NXPH1: variants seen among roughly 807,000 people sequenced by gnomAD.
The protein encoded by NXPH1 is neurexophilin 1.
NXPH1 carries 5 observed loss-of-function variants against 23.7 expected under a neutral mutation model. The ratio of observed to expected loss-of-function variants is 0.21; its 90% CI spans 0.11 to 0.44. The LOEUF is 0.44. Ranked by LOEUF, NXPH1 falls within the 20% of genes least tolerant of loss-of-function variation. The pLI, the probability that NXPH1 is intolerant of heterozygous loss-of-function variation, is 0.99. For synonymous variants in NXPH1, 144 were observed against 122.2 expected (o/e 1.18, Z -1.18); for missense variants, 324 against 321.6 (o/e 1.01, Z -0.06).
chr7:8,692,677 C>G (rs1821240514), intron 2 of NXPH1, among the ~76,000 whole-genome samples: 1 of 152,148 alleles, frequency 6.6e-6, no homozygotes, highest in Admixed American at 6.5e-5. Context: ...TCAACCTGTC[C>G]ATATTGACTG....
intron 2 of NXPH1, among the ~76,000 whole-genome samples, chr7:8,704,738 T>C (rs1779677055): frequency 6.6e-6 from 1 of 150,454 alleles, no homozygotes; most frequent in South Asian, 2.1e-4. Context: ...TTCTAAAATA[T>C]CACTTAATCT....
chr7:8,678,945 TTTTTTTTTTTTTTTTTTTG>T (rs1239778221), intron 2 of NXPH1, among the ~76,000 whole-genome samples: 2 of 64,836 alleles, frequency 3.1e-5, no homozygotes, highest in Non-Finnish European at 8.1e-5. Context: ...TTTTTTTTTT[TTTTTTTTTTTTTTTTTTTG>T]TTGAGACGGA....
chr7:8,494,513 TATA>T (rs1435204818), intron 2 of NXPH1, among the ~76,000 whole-genome samples: 1 of 152,028 alleles, frequency 6.6e-6, no homozygotes, highest in Admixed American at 6.6e-5. Context: ...TATTTAATGA[TATA>T]ATGTGTGTAG....
At chr7:8,709,731 T>A (rs1779758103) in intron 2 of NXPH1, among the ~76,000 whole-genome samples, 1 of 152,238 alleles carries the variant, frequency 6.6e-6, no homozygotes, top group Non-Finnish European at 1.5e-5. Flanking sequence ...GTCTGTTAAG[T>A]CTTTATAGAT....
intron 2 of NXPH1, among the ~76,000 whole-genome samples, chr7:8,514,995 C>T (rs1368179398): frequency 6.6e-6 from 1 of 152,084 alleles, no homozygotes; most frequent in Non-Finnish European, 1.5e-5. Context: ...TTTCTCCCTT[C>T]CCAAAGAACA....
At chr7:8,459,379 T>C (rs1816653648) in intron 2 of NXPH1, among the ~76,000 whole-genome samples, 1 of 152,148 alleles carries the variant, frequency 6.6e-6, no homozygotes, top group African/African-American at 2.4e-5. Flanking sequence ...TTAATTTAAC[T>C]CTATTTAGGC....
intron 2 of NXPH1, among the ~76,000 whole-genome samples, chr7:8,611,894 T>A (rs1331263358): frequency 6.6e-6 from 1 of 152,070 alleles, no homozygotes; most frequent in Admixed American, 6.6e-5. Flanking sequence ...TTCTTAGCAG[T>A]GAAACTTTAG....
intron 2 of NXPH1, among the ~76,000 whole-genome samples, chr7:8,518,217 A>G (rs927233398): frequency 2.6e-5 from 4 of 152,138 alleles, no homozygotes; most frequent in Non-Finnish European, 2.9e-5. Flanking sequence ...ATTTTCTTCC[A>G]TATTAAGAAC....
chr7:8,468,813 C>T (rs536131960), intron 2 of NXPH1, among the ~76,000 whole-genome samples: 45 of 151,998 alleles, frequency 3.0e-4, no homozygotes, highest in Middle Eastern at 3.4e-3. Context: ...TCTAGTTGTG[C>T]TAGTGTAAAA....
At chr7:8,663,323 G>A (rs1393132345) in intron 2 of NXPH1, among the ~76,000 whole-genome samples, 1 of 152,036 alleles carries the variant, frequency 6.6e-6, no homozygotes, top group Non-Finnish European at 1.5e-5. Context: ...CTTTGGAAGA[G>A]GATGCACTTG....
chr7:8,648,672 T>G (rs994414159), intron 2 of NXPH1, among the ~76,000 whole-genome samples: 6 of 152,222 alleles, frequency 3.9e-5, no homozygotes, highest in African/African-American at 1.4e-4. Flanking sequence ...TCATGTGTGC[T>G]TGAGAATAAT....
At chr7:8,650,672 T>C (rs917156067) in intron 2 of NXPH1, among the ~76,000 whole-genome samples, 8 of 152,252 alleles carry the variant, frequency 5.3e-5, no homozygotes, top group Non-Finnish European at 1.2e-4. Flanking sequence ...TCAGTCTCTT[T>C]AGTTGCCACA....
At chr7:8,525,773 C>G (rs1005775397) in intron 2 of NXPH1, among the ~76,000 whole-genome samples, 3 of 152,234 alleles carry the variant, frequency 2.0e-5, no homozygotes, top group African/African-American at 7.2e-5. Context: ...GCACAGAAGT[C>G]AAGAACTGAG....
At chr7:8,480,439 G>T (rs1365471373) in intron 2 of NXPH1, among the ~76,000 whole-genome samples, 1 of 152,106 alleles carries the variant, frequency 6.6e-6, no homozygotes, top group Non-Finnish European at 1.5e-5. Context: ...ATGCTCCAGA[G>T]AATAGCCATG....
intron 2 of NXPH1, among the ~76,000 whole-genome samples, chr7:8,722,421 C>A (rs1360894577): frequency 6.6e-6 from 1 of 152,148 alleles, no homozygotes; most frequent in Non-Finnish European, 1.5e-5. Flanking sequence ...ATGGTTCTCT[C>A]ATTTCAATTC....
At chr7:8,750,955 G>T (rs1005269056) in intron 2 of NXPH1, 53 bp from the exon 3 acceptor site, 3 of 1,527,978 alleles carry the variant, frequency 2.0e-6, no homozygotes, top group Non-Finnish European at 1.8e-6. Context: ...TATGCATTGG[G>T]TGTTATTCTC....
intron 2 of NXPH1, among the ~76,000 whole-genome samples, chr7:8,663,126 G>T (rs909246721): frequency 6.6e-6 from 1 of 152,000 alleles, no homozygotes; most frequent in Non-Finnish European, 1.5e-5. Context: ...AGAAAGCTCT[G>T]GGCTTAAAAT....
intron 2 of NXPH1, among the ~76,000 whole-genome samples, chr7:8,578,093 A>G (rs1310930448): frequency 6.6e-6 from 1 of 152,182 alleles, no homozygotes; most frequent in East Asian, 1.9e-4. Flanking sequence ...TATTGTTTTA[A>G]GCCACTAACT....
intron 2 of NXPH1, among the ~76,000 whole-genome samples, chr7:8,591,086 G>A (rs1819085291): frequency 6.6e-6 from 1 of 152,018 alleles, no homozygotes; most frequent in South Asian, 2.1e-4. Flanking sequence ...GCAGAGAGGA[G>A]AAAACAAGAT....
Sources: gnomAD v4.1 joint callset for allele counts (sites outside exome capture counted in the v4.1 genomes callset) on GRCh38, gnomAD v4.1.1 for gene constraint, MANE v1.5 for transcripts, NCBI Gene and HGNC (gene_info 2026-07-23, HGNC 2026-07-21) for gene names.